SLC16A6: variants seen among roughly 807,000 people sequenced by gnomAD.
SLC16A6 encodes the protein solute carrier family 16 member 6.
SLC16A6 carries 15 observed loss-of-function variants against 33.8 expected under a neutral mutation model. That is an observed-to-expected ratio of 0.44 (90% CI 0.30 to 0.68). The LOEUF (loss-of-function observed/expected upper bound fraction) is 0.68, where lower values mean the gene tolerates loss of function less well. SLC16A6 is among the 30% of genes least tolerant of loss of function. The pLI is 0.10. For missense variants in SLC16A6, 451 were observed against 661.5 expected (o/e 0.68, Z 3.49); for synonymous variants, 219 against 248.4 (o/e 0.88, Z 1.11).
chr17:68,278,619 T>C (rs1349633763), intron 1 of SLC16A6, among the ~76,000 whole-genome samples: 78 of 42,216 alleles, frequency 1.8e-3, no homozygotes, highest in African/African-American at 0.016. Context: ...TCTTTTTCCT[T>C]TTTTTTTTTT....
At chr17:68,282,393 C>T (rs1455076460) in intron 1 of SLC16A6, among the ~76,000 whole-genome samples, 1 of 151,914 alleles carries the variant, frequency 6.6e-6, no homozygotes, top group African/African-American at 2.4e-5. Context: ...AGGAGATATA[C>T]CTAATGTTAA....
chr17:68,276,684 G>A (rs2075534125), intron 2 of SLC16A6, among the ~76,000 whole-genome samples: 1 of 152,112 alleles, frequency 6.6e-6, no homozygotes, highest in African/African-American at 2.4e-5. Flanking sequence ...AAACTCTAGG[G>A]CTCAAGCAAT....
At chr17:68,272,559 T>TGGC in intron 4 of SLC16A6, 80 bp downstream of exon 4, 1 of 1,529,834 alleles carries the variant, frequency 6.5e-7, no homozygotes, top group Non-Finnish European at 8.9e-7. Flanking sequence ...TCCATACTGT[T>TGGC]GGCAAAAGTT....
chr17:68,279,366 T>A (rs1555752040), intron 1 of SLC16A6, among the ~76,000 whole-genome samples: 1 of 152,144 alleles, frequency 6.6e-6, no homozygotes, highest in East Asian at 1.9e-4. Context: ...ATTCTGATTA[T>A]GATTTGGTGT....
chr17:68,288,073 T>G (rs1204310279), intron 1 of SLC16A6, among the ~76,000 whole-genome samples: 2 of 148,390 alleles, frequency 1.3e-5, no homozygotes. Flanking sequence ...CTCAGCCCAC[T>G]GCAAGCTCTG....
Position 68,271,186 on chromosome 17 carries a change from T to G in SLC16A6, c.974A>C (p.Asp325Ala). Residue 325 changes from aspartate (D) to alanine (A), a missense_variant, in exon 5 of 6, where the codon GAC becomes GCC. Physicochemically the swap from Asp to Ala is moderately radical, Grantham distance 126. Coordinates refer to ENST00000580666, the MANE Select transcript of SLC16A6 (RefSeq NM_004694.5). The surrounding 1 kb of genome is among the most constrained non-coding windows in gnomAD (Gnocchi z 5.3). ...TAATAAAAAAGCAGCGCGGTCCTGG[T>G]CAATGCCCAGACTAATGCCCAGAGG... The part of the protein sequence containing the change: ...IIPLGISLGI[D>A]QDRAAFLLST... The G allele has an allele frequency of 6.2e-7, 1 of 1,614,020 alleles. No individual in the cohort carries two copies. Among genetic ancestry groups the G allele is most frequent in the South Asian group, 1.1e-5 (1 of 91,086 alleles).
intron 2 of SLC16A6, among the ~76,000 whole-genome samples, chr17:68,276,651 GCTATGT>G (rs1428193434): frequency 6.6e-6 from 1 of 151,938 alleles, no homozygotes; most frequent in East Asian, 1.9e-4. Context: ...ATGGAGTCTT[GCTATGT>G]TGCCCAGGCT....
intron 1 of SLC16A6, among the ~76,000 whole-genome samples, chr17:68,280,369 A>G (rs1418762705): frequency 6.6e-6 from 1 of 152,156 alleles, no homozygotes; most frequent in African/African-American, 2.4e-5. Context: ...TGGAGGCATC[A>G]CACTAACAGA....
At chr17:68,270,607 T>A (rs141081222) in intron 5 of SLC16A6, among the ~76,000 whole-genome samples, 64 of 151,808 alleles carry the variant, frequency 4.2e-4, no homozygotes, top group Non-Finnish European at 7.4e-4. Context: ...CAGCTTCCAG[T>A]CCTGAATCGA....
Position 68,275,000 on chromosome 17 carries a change from G to A in SLC16A6, c.233-930C>T, listed in dbSNP as rs540145581. 8.5e-5 allele frequency among the ~76,000 whole-genome samples: 13 copies of A among 152,220 alleles called. No individual in the cohort carries two copies. In the South Asian group the frequency reaches 2.5e-3, roughly 29 times the overall value. ...TCTCCATGTTGGTCAGGCTGGTCTCGAACTACTGACCTCAGGTGATCCGCC... is the reference window on the plus strand; with the variant it reads ...TCTCCATGTTGGTCAGGCTGGTCTCAAACTACTGACCTCAGGTGATCCGCC... On this transcript the variant is annotated intron_variant, in intron 2 of 5. Transcript: ENST00000580666.
At chr17:68,272,072 AT>A (rs1568405955) in intron 4 of SLC16A6, among the ~76,000 whole-genome samples, 1 of 152,070 alleles carries the variant, frequency 6.6e-6, no homozygotes, top group South Asian at 2.1e-4. Context: ...AAGTACTGGG[AT>A]TACAGGCATG....
intron 2 of SLC16A6, among the ~76,000 whole-genome samples, chr17:68,276,036 T>C (rs8080714): frequency 0.44 from 66,423 of 151,880 alleles, 15,884 homozygotes; most frequent in African/African-American, 0.64. Context: ...GAACCAGGAA[T>C]GACTTCATGA....
intron 5 of SLC16A6, among the ~76,000 whole-genome samples, chr17:68,269,673 GTTTT>G (rs782421181): frequency 1.3e-5 from 1 of 77,912 alleles, no homozygotes; most frequent in Admixed American, 1.7e-4. Context: ...TTCACTTTAG[GTTTT>G]TTTTTTTTTT....
rs2075347036 is a variant in SLC16A6, at chr17:68,271,737, T to C, written c.506-83A>G. 1 of 1,037,870 alleles carries C rather than the reference T, an allele frequency of 9.6e-7. No homozygotes were observed. Among genetic ancestry groups the C allele is most frequent in the Non-Finnish European group, 1.4e-6 (1 of 712,294 alleles). The allele number at this position is 1,037,870 out of a possible 1,614,324, so 64.3% of individuals were successfully genotyped here. ...CAGGAGAAGCCATCAAGAAGAAATA[T>C]GGATCCAGATTTTGTTATAAGTTCT... On this transcript the variant is annotated intron_variant, in intron 4 of 5. Transcript: ENST00000580666. The surrounding 1 kb of genome is among the most constrained non-coding windows in gnomAD (Gnocchi z 5.3).
chr17:68,285,205 G>A (rs2075813736), intron 1 of SLC16A6, among the ~76,000 whole-genome samples: 1 of 152,186 alleles, frequency 6.6e-6, no homozygotes, highest in African/African-American at 2.4e-5. Context: ...CTAAGACCAA[G>A]GTCAAATTGG....
rs1188663250 is a variant in SLC16A6 at position 68,278,071 on chromosome 17, G to A, written c.232+18C>T. On this transcript the variant is annotated intron_variant, in intron 2 of 5. Coordinates refer to ENST00000580666, the MANE Select transcript of SLC16A6 (RefSeq NM_004694.5). ...GGCCCTATACTTACGTCATGGTTAG[G>A]CCGAAAGATGTACTAACCTGAAAAT... 1.3e-6 allele frequency: 2 copies of A among 1,569,928 alleles called. No individual in the cohort carries two copies. Among genetic ancestry groups the A allele is most frequent in the Non-Finnish European group, 1.8e-6 (2 of 1,140,686 alleles).
upstream of SLC16A6, chr17:68,291,235 G>C (rs1329581350): frequency 1.6e-4 from 24 of 151,616 alleles, no homozygotes; most frequent in Middle Eastern, 6.8e-3. Flanking sequence ...GCTCGGGCTG[G>C]TGAGGCCCGA....
At position 68,268,109 on chromosome 17, in the gene SLC16A6, T is replaced by C. The variant is rs1235079367; in HGVS notation, c.*987A>G. The C allele has an allele frequency of 1.3e-5, 2 of 152,208 alleles. No individual in the cohort carries two copies. Among genetic ancestry groups the C allele is most frequent in the African/African-American group, 2.4e-5 (1 of 41,452 alleles). 9.4% of individuals were successfully genotyped at this position (152,208 alleles called of 1,614,324 possible). On this transcript the variant is annotated 3_prime_UTR_variant, in exon 6 of 6. Transcript: ENST00000580666. ...TGCCCCTAATCAAATGGAAGAATCA[T>C]GACAACTTGGCCTTTTATGAAAGTA...
intron 1 of SLC16A6, 88 bp from the exon 2 acceptor site, chr17:68,278,415 C>T: frequency 6.8e-6 from 5 of 733,420 alleles, no homozygotes; most frequent in South Asian, 3.5e-5. Context: ...CAGATAAGAA[C>T]TACTTACCCC....
Sources: gnomAD v4.1 joint callset for allele counts (sites outside exome capture counted in the v4.1 genomes callset) on GRCh38, gnomAD v4.1.1 for gene constraint, Gnocchi (gnomAD v3.1) non-coding constraint, MANE v1.5 for transcripts, NCBI Gene and HGNC (gene_info 2026-07-23, HGNC 2026-07-21) for gene names.